The following EXD1 variants were observed in gnomAD, a reference collection of about 807,000 sequenced individuals.
The protein encoded by EXD1 is exonuclease 3'-5' domain containing 1, also known as piRNA biogenesis protein EXD1.
EXD1 carries 63 observed loss-of-function variants against 49.1 expected under a neutral mutation model. The observed-to-expected ratio is 1.28, with a 90% CI of 1.05 to 1.58. EXD1 has a LOEUF of 1.58. Among genes scored for constraint, EXD1 ranks in the 40% most tolerant of loss-of-function variants. The pLI is 0.00. For missense variants in EXD1, 748 were observed against 666.0 expected, an observed-to-expected ratio of 1.12 and a Z score of -1.36; for synonymous variants, 234 against 239.2, an observed-to-expected ratio of 0.98 and a Z score of 0.20.
chr15:41,212,912 A>G (rs908292360), intron 6 of EXD1, among the ~76,000 whole-genome samples: 2 of 152,050 alleles, frequency 1.3e-5, no homozygotes, highest in African/African-American at 4.8e-5. Context: ...GTTGTGGCAC[A>G]TGCCTGTAGT....
chr15:41,214,711 A>G (rs1243149617), intron 6 of EXD1, among the ~76,000 whole-genome samples: 4 of 151,824 alleles, frequency 2.6e-5, no homozygotes, highest in Admixed American at 6.6e-5. Flanking sequence ...TTTCAGCCTC[A>G]GGGCCTTTGC....
At chr15:41,198,326 G>A (rs2046648158) in intron 7 of EXD1, among the ~76,000 whole-genome samples, 1 of 152,146 alleles carries the variant, frequency 6.6e-6, no homozygotes, top group African/African-American at 2.4e-5. Context: ...GAAAGGGGCT[G>A]AAGGGTAAGT....
In EXD1 at chr15:41,183,111, G is replaced by C. The variant is rs1372158303; in HGVS notation, c.*820C>G. 6.6e-6 allele frequency: 1 copy of C among 152,238 alleles called. No individual in the cohort carries two copies. Among genetic ancestry groups the C allele is most frequent in the Non-Finnish European group, 1.5e-5 (1 of 68,092 alleles). The allele number at this position is 152,238 out of a possible 1,614,324, so 9.4% of individuals were successfully genotyped here. On this transcript the variant is annotated 3_prime_UTR_variant, in exon 12 of 12. Coordinates refer to ENST00000458580, the MANE Select transcript of EXD1 (RefSeq NM_001286441.2). ...TCGAGACCAGCCTGGCCAACATGGTGAAACCCCATCTCTACTAAAAATACA... is the reference window on the plus strand; with the variant it reads ...TCGAGACCAGCCTGGCCAACATGGTCAAACCCCATCTCTACTAAAAATACA...
chr15:41,202,625 C>T (rs536445753), intron 7 of EXD1, among the ~76,000 whole-genome samples: 1 of 152,218 alleles, frequency 6.6e-6, no homozygotes, highest in East Asian at 1.9e-4. Flanking sequence ...ATATTATATG[C>T]TCAGCTAATG....
At chr15:41,218,885 C>T (rs1021218010) in intron 3 of EXD1, among the ~76,000 whole-genome samples, 1 of 152,182 alleles carries the variant, frequency 6.6e-6, no homozygotes, top group African/African-American at 2.4e-5. Flanking sequence ...TCATTTCCTC[C>T]TAAACGCTTG....
chr15:41,220,037 C>G (rs1279883570), intron 2 of EXD1, 139 bp from the exon 3 acceptor site: 2 of 640,566 alleles, frequency 3.1e-6, no homozygotes, highest in Admixed American at 3.2e-5. Context: ...AAATCTTCCC[C>G]CAAGGAATGA....
intron 7 of EXD1, 114 bp from the exon 8 acceptor site, chr15:41,196,151 T>A: frequency 1.3e-6 from 1 of 755,708 alleles, no homozygotes; most frequent in Middle Eastern, 3.2e-4. Flanking sequence ...TCACTTTATT[T>A]ATTTATTTAT....
At chr15:41,213,762 G>A (rs2046957900) in intron 6 of EXD1, among the ~76,000 whole-genome samples, 3 of 151,982 alleles carry the variant, frequency 2.0e-5, no homozygotes. Context: ...GATGGATAAG[G>A]GGTGTGGGGT....
At chr15:41,198,013 A>T (rs1049067234) in intron 7 of EXD1, among the ~76,000 whole-genome samples, 16 of 152,088 alleles carry the variant, frequency 1.1e-4, no homozygotes, top group Non-Finnish European at 2.2e-4. Flanking sequence ...GACAAGAGTG[A>T]GACTTTGTCT....
chr15:41,188,354 C>T (rs1243251093), intron 11 of EXD1, among the ~76,000 whole-genome samples: 2 of 149,796 alleles, frequency 1.3e-5, no homozygotes, highest in African/African-American at 2.5e-5. Flanking sequence ...TTGTCCCCTC[C>T]ACTCTCCTCC....
chr15:41,208,606 G>A (rs1409745573), intron 7 of EXD1, among the ~76,000 whole-genome samples: 1 of 151,750 alleles, frequency 6.6e-6, no homozygotes, highest in Non-Finnish European at 1.5e-5. Context: ...CACAAAATTA[G>A]CCAGGTGTGG....
At chr15:41,200,995 T>TGGGGTTACAGGTA (rs1301672886) in intron 7 of EXD1, among the ~76,000 whole-genome samples, 4 of 151,728 alleles carry the variant, frequency 2.6e-5, no homozygotes, top group African/African-American at 9.7e-5. Flanking sequence ...TGCCTTAGCC[T>TGGGGTTACAGGTA]CCCAAGTAGT....
In EXD1 at chr15:41,190,026, C is replaced by A; in HGVS notation, c.967G>T (p.Asp323Tyr). 1 of 1,614,112 alleles carries A rather than the reference C, an allele frequency of 6.2e-7. No individual in the cohort carries two copies. Among genetic ancestry groups the A allele is most frequent in the Non-Finnish European group, 8.5e-7 (1 of 1,180,032 alleles). ...GTGGTTAGGTCAGACATCATCTCAT[C>A]TAGGAGTGCCAAGCGAAGGGGTAAC... is the stretch of plus-strand genomic sequence containing the variant. ...YLLPLRLALL[D>Y]EMMSDLTTLV... The change falls in exon 11 of 12, where the codon GAT (aspartate) becomes TAT (tyrosine). Residue 323 changes from aspartate to tyrosine, a missense_variant. By Grantham distance (160) the Asp-to-Tyr change is radical. Transcript: ENST00000458580.
At chr15:41,221,379 C>T (rs2140903076) in intron 2 of EXD1, among the ~76,000 whole-genome samples, 1 of 152,266 alleles carries the variant, frequency 6.6e-6, no homozygotes, top group Admixed American at 6.5e-5. Flanking sequence ...TTAAGCAATC[C>T]TCCTGCCTTA....
rs892918468 is a variant in EXD1 at position 41,182,753 on chromosome 15, C to G, written c.*1178G>C. Reference sequence around the variant, plus strand: ...TTTTTTTAAGTAGAGTATGACAAAACAGGTTTATTGGTTATTTTACACAAA... The same window carrying G: ...TTTTTTTAAGTAGAGTATGACAAAAGAGGTTTATTGGTTATTTTACACAAA... On this transcript the variant is annotated 3_prime_UTR_variant, in exon 12 of 12. Transcript: ENST00000458580. 1 of 152,080 alleles carries G rather than the reference C, an allele frequency of 6.6e-6. No homozygotes were observed. The highest frequency in any genetic ancestry group is 2.4e-5 in the African/African-American group (1 of 41,404). 9.4% of individuals were successfully genotyped at this position (152,080 alleles called of 1,614,324 possible). A position where few individuals can be genotyped will look rare whatever the true frequency, so the allele number is the denominator to read the frequency against.
chr15:41,187,965 G>C lies in EXD1; in HGVS notation c.1056+1972C>G, dbSNP rs7178384. Among the ~76,000 whole-genome samples the C allele has an allele frequency of 8.5e-3, 1,208 of 142,854 alleles. 16 individuals carry two copies. The highest frequency in any genetic ancestry group is 0.031 in the African/African-American group (1,167 of 38,214). The allele number at this position is 142,854 out of a possible 152,430, so 93.7% of individuals were successfully genotyped here. On this transcript the variant is annotated intron_variant, in intron 11 of 11. Coordinates refer to ENST00000458580, the MANE Select transcript of EXD1 (RefSeq NM_001286441.2). ...AGGAGGTGGAGTTTGTAGTGAGCCG[G>C]TATCACACCACTTCACTCCAGCCTG...
rs578235519 is a variant in EXD1 at position 41,186,685 on chromosome 15, C to T, written c.1057-2092G>A. 2.0e-5 allele frequency among the ~76,000 whole-genome samples: 3 copies of T among 151,902 alleles called. No individual in the cohort carries two copies. The South Asian group carries it at 6.2e-4, about 32-fold the overall frequency. ...TGAAAAATGAAAAAATGCTGCTGCA[C>T]ATTTCCGTATAACCTATACATATCC... On this transcript the variant is annotated intron_variant, in intron 11 of 11. Transcript: ENST00000458580.
chr15:41,199,510 C>G (rs566689673), intron 7 of EXD1, among the ~76,000 whole-genome samples: 30 of 149,054 alleles, frequency 2.0e-4, no homozygotes, highest in Non-Finnish European at 4.4e-4. Context: ...GCACCCCTTC[C>G]CCCATACCTT....
chr15:41,193,554 T>C (rs1242697526), intron 9 of EXD1, among the ~76,000 whole-genome samples: 1 of 151,898 alleles, frequency 6.6e-6, no homozygotes, highest in African/African-American at 2.4e-5. Context: ...GCCTGGACAA[T>C]ATAGAGAGAC....
Sources: allele counts gnomAD v4.1 joint callset (sites outside exome capture counted in the v4.1 genomes callset), GRCh38; gene constraint gnomAD v4.1.1; transcripts MANE v1.5; gene names NCBI Gene and HGNC (gene_info 2026-07-23, HGNC 2026-07-21).